The following PDLIM2 variants were observed in gnomAD, a reference collection of about 807,000 sequenced individuals.
The protein encoded by PDLIM2 is PDZ and LIM domain protein 2.
In PDLIM2, 51 loss-of-function variants were observed where a neutral mutation model predicts 54.1. The ratio of observed to expected loss-of-function variants is 0.94; its 90% CI spans 0.75 to 1.19. The LOEUF (loss-of-function observed/expected upper bound fraction) is 1.19. Ranked by LOEUF, PDLIM2 falls within the 50% of genes most tolerant of loss-of-function variation. The pLI, the probability that PDLIM2 is intolerant of heterozygous loss-of-function variation, is 0.00. For synonymous variants in PDLIM2, 398 were observed against 385.6 expected, an observed-to-expected ratio of 1.03 and a Z score of -0.38; for missense variants, 912 against 874.0, an observed-to-expected ratio of 1.04 and a Z score of -0.55.
chr8:22,580,589 C>T, intron 1 of PDLIM2: 1 of 1,613,942 alleles, frequency 6.2e-7, no homozygotes. Context: ...ACCTCCTGGT[C>T]CTCTCTTCCT....
At chr8:22,587,125 A>G (rs1054125475) in intron 6 of PDLIM2, among the ~76,000 whole-genome samples, 1 of 152,154 alleles carries the variant, frequency 6.6e-6, no homozygotes, top group Non-Finnish European at 1.5e-5. Flanking sequence ...TGGGGATGCA[A>G]TCGTGGAAAA....
At chr8:22,579,486 C>T (rs1318548889) in exon 1 of PDLIM2, 3 of 1,511,076 alleles carry the variant, frequency 2.0e-6, no homozygotes, top group East Asian at 2.7e-5. Flanking sequence ...TGGGCACCTC[C>T]CCGCGGCGCC....
At position 22,583,056 on chromosome 8, in the gene PDLIM2, G is replaced by A. The variant is rs937316337; in HGVS notation, c.995+1526G>A. On this transcript the variant is annotated intron_variant, in intron 3 of 9. Transcript: ENST00000308354. ...TGATCCCATGGCTCTCCCAGGAAGC[G>A]GAGGGTCCTGTTGCCCTACATCTCT... Among the ~76,000 whole-genome samples the A allele has an allele frequency of 4.6e-5, 7 of 152,090 alleles. No homozygotes were observed. The East Asian group carries it at 5.8e-4, about 13-fold the overall frequency.
chr8:22,582,909 ACC>A (rs1307370816), intron 3 of PDLIM2, among the ~76,000 whole-genome samples: 31 of 37,220 alleles, frequency 8.3e-4, no homozygotes, highest in African/African-American at 2.7e-3. Flanking sequence ...CGTGATGCCC[ACC>A]CCCCCCCCCG....
chr8:22,589,055 C>T (rs1253115287), intron 6 of PDLIM2: 1 of 580,496 alleles, frequency 1.7e-6, no homozygotes, highest in Non-Finnish European at 3.0e-6. Context: ...ATGCCTCCCT[C>T]CCTCTCTGGA....
At chr8:22,589,004 A>T (rs1020586969) in intron 6 of PDLIM2, 1 of 550,364 alleles carries the variant, frequency 1.8e-6, no homozygotes, top group Non-Finnish European at 3.2e-6. Context: ...CTTAGCTGTC[A>T]CCTGCTGCCT....
At chr8:22,595,588 G>A (rs1436890157), downstream of PDLIM2, 1 of 152,296 alleles carries the variant, frequency 6.6e-6, no homozygotes, top group Non-Finnish European at 1.5e-5. Context: ...GGAACGCACC[G>A]AGGAGCGTCC....
intron 6 of PDLIM2, among the ~76,000 whole-genome samples, chr8:22,587,474 A>G (rs1800411296): frequency 1.3e-5 from 2 of 152,074 alleles, no homozygotes; most frequent in Admixed American, 1.3e-4. Flanking sequence ...GAACAGCAGA[A>G]TTTCTCCTGA....
chr8:22,581,567 CCCT>C (rs1800207891), intron 3 of PDLIM2, 37 bp downstream of exon 2: 1 of 1,533,104 alleles, frequency 6.5e-7, no homozygotes, highest in South Asian at 1.3e-5. Flanking sequence ...GTGGCATTCC[CCCT>C]CCTCCACCAC....
chr8:22,589,186 AGGGCCGGGGGCCCCCTGGTGTCGGGCCTG>A (rs1426334152), intron 6 of PDLIM2, 83 bp from the exon 6 acceptor site: 1 of 1,113,086 alleles, frequency 9.0e-7, no homozygotes, highest in African/African-American at 1.6e-5. Context: ...CTGGTCGGCG[AGGGCCGGGGGCCCCCTGGTGTCGGGCCTG>A]GGAACAGCCG....
chr8:22,589,835 CT>C, intron 8 of PDLIM2, 94 bp downstream of exon 7: 1 of 1,481,294 alleles, frequency 6.8e-7, no homozygotes, highest in Non-Finnish European at 9.1e-7. Context: ...TCTTAAGTGC[CT>C]GTGAGGTGCT....
chr8:22,585,609 T>TGCCCAGTA, intron 6 of PDLIM2: 1 of 74,532 alleles, frequency 1.3e-5, no homozygotes, highest in Non-Finnish European at 2.3e-5. Flanking sequence ...TGCCCAGCAG[T>TGCCCAGTA]GCCCAGTAGC....
At chr8:22,583,366 C>T (rs1382643288) in intron 3 of PDLIM2, among the ~76,000 whole-genome samples, 1 of 152,164 alleles carries the variant, frequency 6.6e-6, no homozygotes, top group Non-Finnish European at 1.5e-5. Flanking sequence ...GGGCAGGGTG[C>T]ACAGCTGGCC....
chr8:22,589,217 G>T, intron 6 of PDLIM2, 81 bp from the exon 6 acceptor site: 1 of 1,464,290 alleles, frequency 6.8e-7, no homozygotes, highest in South Asian at 1.2e-5. Flanking sequence ...TCGGGCCTGG[G>T]AACAGCCGGG....
chr8:22,589,300 C>T (rs747454167), exon 7 of PDLIM2: 71 of 1,533,798 alleles, frequency 4.6e-5, no homozygotes, highest in South Asian at 1.3e-4. Flanking sequence ...CCCAACAGGC[C>T]GGCCTCGGCC....
At chr8:22,594,691 G>A, downstream of PDLIM2, 3 of 1,577,612 alleles carry the variant, frequency 1.9e-6, no homozygotes. Flanking sequence ...ACCAAGGGTT[G>A]GGCCCCCGGG....
At chr8:22,579,230 C>A in exon 1 of PDLIM2, 1 of 1,376,848 alleles carries the variant, frequency 7.3e-7, no homozygotes, top group South Asian at 1.7e-5. Context: ...GCCAGGTGAG[C>A]GCGCCCACCT....
rs1800558618 is a variant in PDLIM2 at position 22,591,805 on chromosome 8, C to T, written c.1631+137C>T. On this transcript the variant is annotated intron_variant, in intron 9 of 9. Coordinates refer to ENST00000308354, the Ensembl canonical transcript of PDLIM2. ...ACCCAGTCGGGGACTCTAGGGGAAG[C>T]AGTGTTGCACAGCTTTGGGGGCATT... 4 of 736,206 alleles carry T rather than the reference C, an allele frequency of 5.4e-6. No individual in the cohort carries two copies. The South Asian group carries it at 7.6e-5, about 14-fold the overall frequency. The allele number at this position is 736,206 out of a possible 1,614,324, so 45.6% of individuals were successfully genotyped here.
At chr8:22,589,058 T>C in intron 6 of PDLIM2, 1 of 583,350 alleles carries the variant, frequency 1.7e-6, no homozygotes, top group Non-Finnish European at 3.0e-6. Flanking sequence ...CCTCCCTCCC[T>C]CTCTGGACCC....
Sources: gnomAD v4.1 joint callset for allele counts (sites outside exome capture counted in the v4.1 genomes callset) on GRCh38, gnomAD v4.1.1 for gene constraint, MANE v1.5 for transcripts, NCBI Gene and HGNC (gene_info 2026-07-23, HGNC 2026-07-21) for gene names.